GGNBP2: variants seen among roughly 807,000 people sequenced by gnomAD.
The protein encoded by GGNBP2 is gametogenetin-binding protein 2.
Under a neutral mutation model 85.9 loss-of-function variants are expected in GGNBP2, and 10 were observed. The observed-to-expected ratio is 0.12, with a 90% CI of 0.07 to 0.20. The LOEUF is 0.20. Ranked by LOEUF, GGNBP2 falls within the 10% of genes least tolerant of loss-of-function variation. The pLI is 1.00. For synonymous variants in GGNBP2, 287 were observed against 285.7 expected, an observed-to-expected ratio of 1.00 and a Z score of -0.05; for missense variants, 595 against 857.8, an observed-to-expected ratio of 0.69 and a Z score of 3.83.
rs747065256 is a variant in GGNBP2 at position 36,586,164 on chromosome 17, A to G, written c.1607A>G (p.Lys536Arg). Residue 536 changes from lysine to arginine, a missense_variant, in exon 12 of 14, where the codon AAG becomes AGG. By Grantham distance (26) the Lys-to-Arg change is conservative. Coordinates refer to ENST00000613102, the MANE Select transcript of GGNBP2 (RefSeq NM_024835.5). ...ACAAAAGGAAAAAATAAAAAGAAGA[A>G]GAAGAAAAGCAAGATACTGAAATGT... The part of the protein sequence containing the change: ...NDTKGKNKKK[K>R]KKSKILKCDE... 6 of 1,613,518 alleles carry G rather than the reference A, an allele frequency of 3.7e-6. No individual in the cohort carries two copies. Among genetic ancestry groups the G allele is most frequent in the Non-Finnish European group, 5.1e-6 (6 of 1,179,738 alleles).
chr17:36,575,124 T>G, intron 6 of GGNBP2: 1 of 744,956 alleles, frequency 1.3e-6, no homozygotes, highest in Non-Finnish European at 2.4e-6. Context: ...TTGATCTTCA[T>G]GTGCTTGACC....
chr17:36,553,528 G>A (rs1011772070), intron 2 of GGNBP2, among the ~76,000 whole-genome samples: 1 of 152,172 alleles, frequency 6.6e-6, no homozygotes, highest in Non-Finnish European at 1.5e-5. Flanking sequence ...GGTTGGGGAA[G>A]GGAGTGATCT....
At chr17:36,582,084 G>A (rs1028161035) in intron 9 of GGNBP2, 11 of 152,154 alleles carry the variant, frequency 7.2e-5, no homozygotes, top group African/African-American at 2.4e-4. Context: ...TTACCATGTT[G>A]TTCAGGCTGG....
chr17:36,554,999 C>A, intron 3 of GGNBP2, 99 bp downstream of exon 3: 1 of 698,934 alleles, frequency 1.4e-6, no homozygotes, highest in South Asian at 1.7e-5. Context: ...TTCTCTAGGT[C>A]TTAATATTGC....
chr17:36,549,360 G>A (rs1021934653), intron 2 of GGNBP2, among the ~76,000 whole-genome samples: 11 of 152,048 alleles, frequency 7.2e-5, no homozygotes, highest in Admixed American at 2.0e-4. Context: ...GTGTCACCAC[G>A]CCCAGCTAAT....
At chr17:36,580,083 A>G (rs1325670682) in intron 8 of GGNBP2, among the ~76,000 whole-genome samples, 1 of 152,232 alleles carries the variant, frequency 6.6e-6, no homozygotes, top group East Asian at 1.9e-4. Context: ...GCCCCCAAGG[A>G]TTAAGCAGGA....
chr17:36,570,943 C>G (rs986466361), intron 6 of GGNBP2, among the ~76,000 whole-genome samples: 2 of 151,842 alleles, frequency 1.3e-5, no homozygotes, highest in African/African-American at 4.8e-5. Flanking sequence ...TTGCTGGAAT[C>G]TGGGAGGCAG....
chr17:36,554,351 AAT>A (rs2074340221), intron 2 of GGNBP2, among the ~76,000 whole-genome samples: 3 of 102,642 alleles, frequency 2.9e-5, no homozygotes, highest in African/African-American at 1.2e-4. Context: ...TATGTACTTG[AAT>A]TTTTTTTTTT....
At chr17:36,555,720 A>G (rs1352446219) in intron 3 of GGNBP2, among the ~76,000 whole-genome samples, 2 of 152,242 alleles carry the variant, frequency 1.3e-5, no homozygotes, top group Admixed American at 6.5e-5. Flanking sequence ...GTATATTTGC[A>G]TGTAACCTCT....
At chr17:36,576,431 G>A (rs1358990964) in intron 6 of GGNBP2, among the ~76,000 whole-genome samples, 1 of 115,168 alleles carries the variant, frequency 8.7e-6, no homozygotes, top group Non-Finnish European at 1.7e-5. Context: ...GTGGGCGCCT[G>A]TAATCCCAGC....
chr17:36,563,807 G>A (rs555467352), intron 5 of GGNBP2, among the ~76,000 whole-genome samples: 8 of 150,322 alleles, frequency 5.3e-5, no homozygotes, highest in Admixed American at 4.0e-4. Context: ...GCAGTGGCGC[G>A]ATCTCGGCTC....
At chr17:36,562,228 T>TA (rs2074424477) in intron 5 of GGNBP2, among the ~76,000 whole-genome samples, 1 of 151,944 alleles carries the variant, frequency 6.6e-6, no homozygotes, top group Non-Finnish European at 1.5e-5. Context: ...AGTGCAGTGG[T>TA]ACGATCTCAG....
chr17:36,569,938 T>C (rs776455975), intron 6 of GGNBP2, among the ~76,000 whole-genome samples: 1 of 152,234 alleles, frequency 6.6e-6, no homozygotes, highest in Non-Finnish European at 1.5e-5. Context: ...TACAGATATC[T>C]TAACGGTTGT....
chr17:36,582,624 T>TA (rs2142780193), intron 9 of GGNBP2: 1 of 152,368 alleles, frequency 6.6e-6, no homozygotes, highest in Non-Finnish European at 1.5e-5. Context: ...CTGCAGTTTT[T>TA]ATATCAGCTT....
intron 12 of GGNBP2, chr17:36,586,649 C>T (rs2074704645): frequency 3.9e-6 from 1 of 257,476 alleles, no homozygotes. Context: ...GATGGAGTCT[C>T]ACTCTGTCGC....
rs1599502978 is a variant in GGNBP2 at position 36,554,742 on chromosome 17, C to G, written c.94-78C>G. ...GGGTGCAAATCTGGCTTTCACGGGT[C>G]TATTTCTGGAGTTTGTAGGCTGTAT... is the stretch of plus-strand genomic sequence containing the variant. On this transcript the variant is annotated intron_variant, in intron 2 of 13. Transcript: ENST00000613102. 39 of 965,906 alleles carry G rather than the reference C, an allele frequency of 4.0e-5. No homozygotes were observed. The East Asian group carries it at 9.3e-4, about 23-fold the overall frequency. The allele number at this position is 965,906 out of a possible 1,614,324, so 59.8% of individuals were successfully genotyped here.
Position 36,545,662 on chromosome 17 carries a change from A to T in GGNBP2, c.-63A>T. 2.3e-6 allele frequency: 3 copies of T among 1,301,030 alleles called. No individual in the cohort carries two copies. The highest frequency in any genetic ancestry group is 1.5e-5 in the African/African-American group (1 of 67,852). 80.6% of individuals were successfully genotyped at this position (1,301,030 alleles called of 1,614,324 possible). Reference sequence around the variant, plus strand: ...CGGCAGCGGCGGCGGCAGAAACAGCAGCGGCGGCGGCGGCGGCAGCTGGGA... The same window carrying T: ...CGGCAGCGGCGGCGGCAGAAACAGCTGCGGCGGCGGCGGCGGCAGCTGGGA... On this transcript the variant is annotated 5_prime_UTR_variant, in exon 2 of 14. Coordinates refer to ENST00000613102, the MANE Select transcript of GGNBP2 (RefSeq NM_024835.5).
chr17:36,553,175 A>G (rs2074327501), intron 2 of GGNBP2, among the ~76,000 whole-genome samples: 1 of 152,228 alleles, frequency 6.6e-6, no homozygotes, highest in South Asian at 2.1e-4. Flanking sequence ...ATAGGAACAC[A>G]TACAGAAAAA....
chr17:36,547,526 AC>A (rs2074266854), intron 2 of GGNBP2: 1 of 152,244 alleles, frequency 6.6e-6, no homozygotes, highest in Admixed American at 6.5e-5. Context: ...GCACATTAAT[AC>A]ATCTGTCATA....
Sources: allele counts gnomAD v4.1 joint callset (sites outside exome capture counted in the v4.1 genomes callset), GRCh38; gene constraint gnomAD v4.1.1; transcripts MANE v1.5; gene names NCBI Gene and HGNC (gene_info 2026-07-23, HGNC 2026-07-21).